The following PRMT5 variants were observed in gnomAD, a reference collection of about 807,000 sequenced individuals.
PRMT5 encodes the protein protein arginine methyltransferase 5.
Under a neutral mutation model 84.0 loss-of-function variants are expected in PRMT5, and 15 were observed. The observed-to-expected ratio is 0.18, with a 90% CI of 0.12 to 0.28. The LOEUF is 0.28. Among genes scored for constraint, PRMT5 ranks in the 10% least tolerant of loss-of-function variants. The probability of loss-of-function intolerance (pLI) is 1.00; values close to 1 mark genes in which losing one functional copy is unlikely to be tolerated. For synonymous variants in PRMT5, 276 were observed against 292.4 expected (o/e 0.94, Z 0.57); for missense variants, 486 against 808.0 (o/e 0.60, Z 4.83).
intron 16 of PRMT5, among the ~76,000 whole-genome samples, chr14:22,921,919 T>G (rs925145973): frequency 2.9e-5 from 4 of 136,388 alleles, no homozygotes; most frequent in Admixed American, 7.5e-5. Context: ...GCAAGAGAGA[T>G]AAGATCAAAT....
At chr14:22,922,704 T>C (rs8007089) in intron 14 of PRMT5, 38 bp downstream of exon 14, 1,253,278 of 1,588,434 alleles carry the variant, frequency 0.79, 496,983 homozygotes, top group East Asian at 0.97. Flanking sequence ...AAGAAGCCCG[T>C]ACCCCTCTAG....
intron 5 of PRMT5, 40 bp from the exon 6 acceptor site, chr14:22,926,595 T>A (rs1036541801): frequency 1.9e-6 from 3 of 1,612,630 alleles, no homozygotes; most frequent in African/African-American, 1.3e-5. Flanking sequence ...AAACTAGATA[T>A]GGCCGACCAA....
intron 16 of PRMT5, 25 bp downstream of exon 16, chr14:22,922,151 A>G (rs771955782): frequency 1.3e-6 from 2 of 1,527,988 alleles, no homozygotes; most frequent in Non-Finnish European, 1.8e-6. Flanking sequence ...CTGCTTAACT[A>G]GAGAGTCTTA....
intron 4 of PRMT5, 141 bp from the exon 5 acceptor site, chr14:22,926,955 A>G: frequency 1.6e-6 from 1 of 640,598 alleles, no homozygotes; most frequent in Non-Finnish European, 2.8e-6. Flanking sequence ...GTAAGTGAAC[A>G]TGTACCTTAT....
intron 16 of PRMT5, 190 bp from the exon 17 acceptor site, chr14:22,921,246 A>C: frequency 1.5e-6 from 1 of 647,802 alleles, no homozygotes. Context: ...ACAGAGTCAG[A>C]AAAACACCTA....
Position 22,926,227 on chromosome 14 carries a change from G to A in PRMT5, c.683C>T (p.Ala228Val), listed in dbSNP as rs1211196344. ...GAAAATGCTAGTGGGGAGAATGGCT[G>A]CTTTGATGGGCTCCCCAAGCCAGCG... ...IDRWLGEPIKAAILPTSIFLT... is the reference protein window; with the variant it reads ...IDRWLGEPIKVAILPTSIFLT... Residue 228 changes from alanine (A) to valine (V), a missense_variant, in exon 7 of 17, where the codon GCA becomes GTA. This residue lies in a region of PRMT5 where 215 missense variants were observed against 301.1 expected (regional missense o/e 0.71). Transcript: ENST00000324366. The A allele has an allele frequency of 1.2e-6, 2 of 1,613,728 alleles. No individual in the cohort carries two copies. The highest frequency in any genetic ancestry group is 1.7e-6 in the Non-Finnish European group (2 of 1,179,694).
At chr14:22,922,351 G>A in intron 15 of PRMT5, 92 bp downstream of exon 15, 2 of 1,404,800 alleles carry the variant, frequency 1.4e-6, no homozygotes, top group South Asian at 2.3e-5. Flanking sequence ...ATTGAGCACT[G>A]GGCCCCCCAT....
chr14:22,927,682 A>G (rs1199643520), intron 3 of PRMT5, 22 bp from the exon 4 acceptor site: 8 of 1,609,284 alleles, frequency 5.0e-6, no homozygotes, highest in Non-Finnish European at 6.8e-6. Context: ...ATGAAGAGGA[A>G]AAGTTTGAGC....
At position 22,922,248 on chromosome 14, in the gene PRMT5, G is replaced by A. The variant is rs1417698907; in HGVS notation, c.1697-8C>T. On this transcript the variant is annotated splice_region_variant and splice_polypyrimidine_tract_variant and intron_variant, in intron 15 of 16. Transcript: ENST00000324366. The stretch of plus-strand genomic sequence containing the variant: ...GAGTCTCTGGACGGATACCTGTGTG[G>A]ACAAAATAATGAAAAAACAGAGGTC... 1.3e-6 allele frequency: 2 copies of A among 1,590,224 alleles called. No homozygotes were observed. Among genetic ancestry groups the A allele is most frequent in the African/African-American group, 2.7e-5 (2 of 74,326 alleles).
At chr14:22,922,350 T>C in intron 15 of PRMT5, 93 bp downstream of exon 15, 1 of 1,408,658 alleles carries the variant, frequency 7.1e-7, no homozygotes, top group South Asian at 1.2e-5. Flanking sequence ...CATTGAGCAC[T>C]GGGCCCCCCA....
At position 22,922,846 on chromosome 14, in the gene PRMT5, CAG is replaced by C. The variant is rs763642209; in HGVS notation, c.1486-13_1486-12del. ...CATCTCAAACTGGGCCTGTCAGAGA[CAG>C]AAAGAGAGAGAGAGTGTTGGGGAAG... On this transcript the variant is annotated splice_polypyrimidine_tract_variant and intron_variant, in intron 13 of 16. Coordinates refer to ENST00000324366, the MANE Select transcript of PRMT5 (RefSeq NM_006109.5). The C allele has an allele frequency of 2.0e-5, 32 of 1,611,166 alleles. No homozygotes were observed. In the African/African-American group the frequency reaches 2.3e-4, roughly 11 times the overall value.
chr14:22,922,246 T>G lies in PRMT5; in HGVS notation c.1697-6A>C, dbSNP rs752976593. 8.2e-6 allele frequency: 13 copies of G among 1,591,080 alleles called. No individual in the cohort carries two copies. The highest frequency in any genetic ancestry group is 1.0e-5 in the Non-Finnish European group (12 of 1,159,180). On this transcript the variant is annotated splice_region_variant and splice_polypyrimidine_tract_variant and intron_variant, in intron 15 of 16. Transcript: ENST00000324366. The stretch of plus-strand genomic sequence containing the variant: ...GTGAGTCTCTGGACGGATACCTGTG[T>G]GGACAAAATAATGAAAAAACAGAGG...
In PRMT5 at chr14:22,928,427, A is replaced by C; in HGVS notation, c.229+70T>G. The C allele has an allele frequency of 7.5e-7, 1 of 1,341,008 alleles. No homozygotes were observed. Among genetic ancestry groups the C allele is most frequent in the Non-Finnish European group, 1.1e-6 (1 of 933,680 alleles). 83.1% of individuals were successfully genotyped at this position (1,341,008 alleles called of 1,614,324 possible). ...ATATCCAAGTCAGAAAAGGAGGAGA[A>C]TGAGGGCCCCGATAAAGCAGAAGTT... On this transcript the variant is annotated intron_variant, in intron 2 of 16. Coordinates refer to ENST00000324366, the MANE Select transcript of PRMT5 (RefSeq NM_006109.5). The surrounding 1 kb of genome is among the most constrained non-coding windows in gnomAD (Gnocchi z 4.8).
At chr14:22,927,180 G>A (rs554763083) in intron 4 of PRMT5, among the ~76,000 whole-genome samples, 19 of 151,320 alleles carry the variant, frequency 1.3e-4, no homozygotes, top group South Asian at 2.1e-4. Flanking sequence ...CCGCCTCACA[G>A]GTTCAAGTCA....
rs751439994 is a variant in PRMT5 at position 22,928,542 on chromosome 14, G to A, written c.184C>T (p.Arg62Trp). 2 of 1,614,086 alleles carry A rather than the reference G, an allele frequency of 1.2e-6. No individual in the cohort carries two copies. Among genetic ancestry groups the A allele is most frequent in the Non-Finnish European group, 1.7e-6 (2 of 1,179,964 alleles). Residue 62 changes from arginine (R) to tryptophan (W), a missense_variant, in exon 2 of 17, where the codon CGG (arginine) becomes TGG (tryptophan). Arg to Trp is a moderately radical substitution (Grantham distance 101). Around this residue, in one of 4 missense-constraint regions of PRMT5, gnomAD observed 215 missense variants for 301.1 expected, o/e 0.71. Coordinates refer to ENST00000324366, the MANE Select transcript of PRMT5 (RefSeq NM_006109.5). This position sits in a 1 kb window ranked among gnomAD's most constrained non-coding sequence, Gnocchi z 4.8. ...REFIQEPAKN[R>W]PGPQTRSDLL... ...TCTGATCGTGTCTGGGGACCGGGCC[G>A]ATTCTTAGCAGGTTCCTGAATGAAC...
chr14:22,927,212 A>G (rs2044441271), intron 4 of PRMT5, among the ~76,000 whole-genome samples: 1 of 151,676 alleles, frequency 6.6e-6, no homozygotes. Flanking sequence ...CAGCTTCCCA[A>G]GTAGCTGGGA....
intron 13 of PRMT5, 44 bp from the exon 14 acceptor site, chr14:22,922,879 C>G (rs368336916): frequency 1.3e-6 from 2 of 1,569,882 alleles, no homozygotes; most frequent in Non-Finnish European, 8.7e-7. Context: ...GGAAGACACA[C>G]AAGAGAGAAC....
chr14:22,922,086 A>G (rs967406147), intron 16 of PRMT5, 90 bp downstream of exon 16: 2 of 1,149,144 alleles, frequency 1.7e-6, no homozygotes, highest in African/African-American at 1.5e-5. Flanking sequence ...CATGAGTCAT[A>G]GTCAACTATC....
rs1311066310 is a variant in PRMT5, at chr14:22,924,179, C to G, written c.1204G>C (p.Glu402Gln). Residue 402 changes from glutamate to glutamine, a missense_variant, in exon 12 of 17, where the codon GAG becomes CAG. Glu to Gln is a conservative substitution (Grantham distance 29, BLOSUM62 2). Around this residue, in one of 4 missense-constraint regions of PRMT5, gnomAD observed 219 missense variants for 433.6 expected, o/e 0.51. Transcript: ENST00000324366. The surrounding 1 kb of genome is among the most constrained non-coding windows in gnomAD (Gnocchi z 6.5). ...EKNPNAVVTL[E>Q]NWQFEEWGSQ... ...CCCCATTCTTCAAACTGCCAGTTCT[C>G]TAGCCTGAAACAGAGACAATAAGGT... 3 of 1,610,218 alleles carry G rather than the reference C, an allele frequency of 1.9e-6. No individual in the cohort carries two copies. Among genetic ancestry groups the G allele is most frequent in the Admixed American group, 1.7e-5 (1 of 59,646 alleles).
Sources: allele counts gnomAD v4.1 joint callset (sites outside exome capture counted in the v4.1 genomes callset), GRCh38; gene constraint gnomAD v4.1.1; regional missense constraint gnomAD v4.1.1; non-coding constraint Gnocchi (gnomAD v3.1); transcripts MANE v1.5; gene names NCBI Gene and HGNC (gene_info 2026-07-23, HGNC 2026-07-21).